Variants in MEGF11 observed in about 807,000 individuals in gnomAD.
The protein encoded by MEGF11 is multiple epidermal growth factor-like domains protein 11.
A neutral mutation model predicts 146.6 loss-of-function variants in MEGF11; 126 were observed. The ratio of observed to expected loss-of-function variants is 0.86; its 90% CI spans 0.74 to 1.00. The LOEUF (loss-of-function observed/expected upper bound fraction) is 1.00. Among genes scored for constraint, MEGF11 ranks in the 50% least tolerant of loss-of-function variants. The pLI is 0.00. For synonymous variants in MEGF11, 532 were observed against 583.4 expected (o/e 0.91, Z 1.27); for missense variants, 1,509 against 1,521.2 (o/e 0.99, Z 0.13).
At chr15:66,209,601 T>A (rs1039338779) in intron 1 of MEGF11, among the ~76,000 whole-genome samples, 1 of 152,162 alleles carries the variant, frequency 6.6e-6, no homozygotes, top group Non-Finnish European at 1.5e-5. Context: ...AAACCATGGA[T>A]AAATCAACAA....
chr15:66,008,532 G>T (rs185615942), intron 5 of MEGF11, among the ~76,000 whole-genome samples: 5 of 152,002 alleles, frequency 3.3e-5, no homozygotes, highest in African/African-American at 9.7e-5. Flanking sequence ...CTTGCCCACC[G>T]TAAAAGAGTT....
chr15:66,116,504 T>C (rs1003594355), intron 4 of MEGF11, among the ~76,000 whole-genome samples: 7 of 152,218 alleles, frequency 4.6e-5, no homozygotes, highest in Admixed American at 4.6e-4. Flanking sequence ...CTATCCATCA[T>C]CTGTATCTAT....
intron 1 of MEGF11, among the ~76,000 whole-genome samples, chr15:66,180,833 G>A (rs538019258): frequency 6.2e-4 from 95 of 152,300 alleles, no homozygotes; most frequent in African/African-American, 2.1e-3. Flanking sequence ...TTCTCACTCT[G>A]CCTCTCCATT....
rs184631052 is a variant in MEGF11, at chr15:66,211,256, G to A, written c.-9+42349C>T. On this transcript the variant is annotated intron_variant, in intron 1 of 25. Coordinates refer to ENST00000395614, the MANE Select transcript of MEGF11 (RefSeq NM_001385028.1). Reference sequence around the variant, plus strand: ...GAAAATCATCCAGCCGGGCTTGGTGGCTCACGCCTGTAATCTCAGCACTTT... The same window carrying A: ...GAAAATCATCCAGCCGGGCTTGGTGACTCACGCCTGTAATCTCAGCACTTT... Among the ~76,000 whole-genome samples the A allele has an allele frequency of 4.0e-3, 608 of 152,322 alleles. 2 individuals carry two copies. The highest frequency in any genetic ancestry group is 4.4e-3 in the Non-Finnish European group (298 of 68,018).
At chr15:66,249,845 C>T (rs1423554123) in intron 1 of MEGF11, among the ~76,000 whole-genome samples, 1 of 152,214 alleles carries the variant, frequency 6.6e-6, no homozygotes, top group African/African-American at 2.4e-5. Flanking sequence ...TGTGTTTTCA[C>T]AAGCCCTCCA....
intron 10 of MEGF11, among the ~76,000 whole-genome samples, chr15:65,948,798 G>A (rs1353579745): frequency 6.6e-6 from 1 of 152,056 alleles, no homozygotes; most frequent in Non-Finnish European, 1.5e-5. Flanking sequence ...CATAGGAGGT[G>A]ATAACAGAGC....
chr15:65,961,832 G>C (rs987207187), intron 9 of MEGF11, among the ~76,000 whole-genome samples: 1 of 152,160 alleles, frequency 6.6e-6, no homozygotes, highest in African/African-American at 2.4e-5. Context: ...AAGTTCTGCA[G>C]AAGGCAGGGA....
At chr15:66,175,460 T>C (rs1055227495) in intron 1 of MEGF11, among the ~76,000 whole-genome samples, 1 of 152,092 alleles carries the variant, frequency 6.6e-6, no homozygotes, top group African/African-American at 2.4e-5. Context: ...ATGATATTGG[T>C]ATAAAAACAG....
chr15:65,930,311 G>C (rs2079528578), intron 11 of MEGF11, among the ~76,000 whole-genome samples: 1 of 152,170 alleles, frequency 6.6e-6, no homozygotes, highest in Non-Finnish European at 1.5e-5. Context: ...CCTGCAGGCT[G>C]CACATCCCAG....
At chr15:66,166,140 T>G (rs2090090845) in intron 1 of MEGF11, among the ~76,000 whole-genome samples, 1 of 152,160 alleles carries the variant, frequency 6.6e-6, no homozygotes, top group Non-Finnish European at 1.5e-5. Flanking sequence ...ACATCTTCCC[T>G]GGGACGGCTG....
At chr15:65,905,909 T>C (rs2078612366) in intron 24 of MEGF11, 176 bp downstream of exon 24, 1 of 351,376 alleles carries the variant, frequency 2.8e-6, no homozygotes, top group South Asian at 5.1e-5. Flanking sequence ...ATTATTATGA[T>C]TGATTGCTCC....
At chr15:66,210,824 C>A (rs1322071948) in intron 1 of MEGF11, among the ~76,000 whole-genome samples, 1 of 152,176 alleles carries the variant, frequency 6.6e-6, no homozygotes, top group Non-Finnish European at 1.5e-5. Flanking sequence ...AACATCTCTG[C>A]CTTCTAGGTA....
chr15:66,040,288 G>C (rs1333024745), intron 5 of MEGF11: 1 of 154,866 alleles, frequency 6.5e-6, no homozygotes, highest in African/African-American at 2.4e-5. Flanking sequence ...AGGGCTTCCT[G>C]GGTGAGGTGG....
chr15:66,143,189 G>A (rs2089234240), intron 1 of MEGF11, among the ~76,000 whole-genome samples: 1 of 152,254 alleles, frequency 6.6e-6, no homozygotes, highest in Non-Finnish European at 1.5e-5. Flanking sequence ...TTGCGAGAGG[G>A]AACTGAAGAC....
chr15:66,000,277 A>T (rs1285840332), intron 5 of MEGF11, among the ~76,000 whole-genome samples: 1 of 152,216 alleles, frequency 6.6e-6, no homozygotes, highest in East Asian at 1.9e-4. Flanking sequence ...ATGGTGGCCC[A>T]CACCACTTTG....
At chr15:66,025,502 C>G (rs1290010013) in intron 5 of MEGF11, among the ~76,000 whole-genome samples, 1 of 152,142 alleles carries the variant, frequency 6.6e-6, no homozygotes, top group Non-Finnish European at 1.5e-5. Context: ...ACAAGGGTAG[C>G]ACGGTGGAGT....
chr15:65,932,481 C>G (rs947473180), intron 10 of MEGF11, among the ~76,000 whole-genome samples: 51 of 151,748 alleles, frequency 3.4e-4, no homozygotes, highest in Non-Finnish European at 1.6e-4. Flanking sequence ...GGGTAGGAGA[C>G]CAGGAATGGA....
In MEGF11 at chr15:66,198,194, A is replaced by G. The variant is rs115155320; in HGVS notation, c.-9+55411T>C. Among the ~76,000 whole-genome samples the G allele has an allele frequency of 3.8e-3, 586 of 152,392 alleles. 2 individuals carry two copies. The highest frequency in any genetic ancestry group is 0.014 in the African/African-American group (569 of 41,594). On this transcript the variant is annotated intron_variant, in intron 1 of 25. Transcript: ENST00000395614. ...GAACTTGACAGTCTCAAATAAAAGCAGAGAAAAATGGTCCCTTAACATAGA... is the reference window on the plus strand; with the variant it reads ...GAACTTGACAGTCTCAAATAAAAGCGGAGAAAAATGGTCCCTTAACATAGA...
chr15:66,221,130 T>C (rs1402065372), intron 1 of MEGF11, among the ~76,000 whole-genome samples: 1 of 152,144 alleles, frequency 6.6e-6, no homozygotes, highest in African/African-American at 2.4e-5. Context: ...AAAATTTTTT[T>C]TTTAATCCAC....
Sources: gnomAD v4.1 joint callset for allele counts (sites outside exome capture counted in the v4.1 genomes callset) on GRCh38, gnomAD v4.1.1 for gene constraint, MANE v1.5 for transcripts, NCBI Gene and HGNC (gene_info 2026-07-23, HGNC 2026-07-21) for gene names.